PPP2R2D: variants seen among roughly 807,000 people sequenced by gnomAD.
PPP2R2D encodes the protein protein phosphatase 2 regulatory subunit Bdelta.
Under a neutral mutation model 31.1 loss-of-function variants are expected in PPP2R2D, and 9 were observed. The observed-to-expected ratio is 0.29, with a 90% confidence interval of 0.17 to 0.51. The LOEUF is 0.51. PPP2R2D is among the 20% of genes least tolerant of loss of function. PPP2R2D has a pLI of 0.98. For missense variants in PPP2R2D, 391 were observed against 465.6 expected, an observed-to-expected ratio of 0.84 and a Z score of 1.48; for synonymous variants, 179 against 172.6, an observed-to-expected ratio of 1.04 and a Z score of -0.29.
At chr10:131,942,082 T>TG (rs1267977032) in intron 5 of PPP2R2D, among the ~76,000 whole-genome samples, 3 of 152,140 alleles carry the variant, frequency 2.0e-5, no homozygotes, top group African/African-American at 7.2e-5. Flanking sequence ...AGAAGTGTGA[T>TG]GGGACCCCCG....
At chr10:131,910,726 C>T (rs1244630256) in intron 2 of PPP2R2D, among the ~76,000 whole-genome samples, 2 of 152,150 alleles carry the variant, frequency 1.3e-5, no homozygotes, top group Non-Finnish European at 2.9e-5. Flanking sequence ...GGCTAAGGGC[C>T]GGCAACCCCT....
rs1291330487 is a variant in PPP2R2D, at chr10:131,940,687, C to T, written c.470C>T (p.Ala157Val). 1.3e-6 allele frequency: 1 copy of T among 775,724 alleles called. No homozygotes were observed. The highest frequency in any genetic ancestry group is 2.4e-6 in the Non-Finnish European group (1 of 415,682). 48.1% of individuals were successfully genotyped at this position (775,724 alleles called of 1,614,324 possible). A position where few individuals can be genotyped will look rare whatever the true frequency, so the allele number is the denominator to read the frequency against. Residue 157 changes from alanine (A) to valine (V), a missense_variant, in exon 5 of 9, where the codon GCG becomes GTG. Transcript: ENST00000455566. The stretch of plus-strand genomic sequence containing the variant: ...CTTCGAGACCCATTTAGGATCACGG[C>T]GCTACGGGTACACGTTGCCTTTGCT... ...GRLRDPFRIT[A>V]LRVPILKPMD...
downstream of PPP2R2D, among the ~76,000 whole-genome samples, chr10:131,962,432 G>A (rs553312967): frequency 1.3e-5 from 2 of 152,328 alleles, no homozygotes; most frequent in African/African-American, 4.8e-5. Context: ...AGTGGTTAAA[G>A]TCACGTTCCG....
intron 8 of PPP2R2D, among the ~76,000 whole-genome samples, chr10:131,950,123 C>T (rs1369034147): frequency 6.6e-6 from 1 of 152,158 alleles, no homozygotes; most frequent in Non-Finnish European, 1.5e-5. Flanking sequence ...TCCATTTTGG[C>T]TAAACAGATC....
intron 3 of PPP2R2D, chr10:131,934,968 C>T: frequency 2.2e-6 from 1 of 455,848 alleles, no homozygotes. Flanking sequence ...GCAGAGAAGT[C>T]TGGCAGGGGT....
At position 131,944,025 on chromosome 10, in the gene PPP2R2D, G is replaced by A. The variant is rs1165138968; in HGVS notation, c.535G>A (p.Ala179Thr). 3.3e-6 allele frequency: 5 copies of A among 1,513,666 alleles called. No individual in the cohort carries two copies. In the Admixed American group the frequency reaches 8.4e-5, roughly 25 times the overall value. The allele number at this position is 1,513,666 out of a possible 1,614,324, so 93.8% of individuals were successfully genotyped here. A position where few individuals can be genotyped will look rare whatever the true frequency, so the allele number is the denominator to read the frequency against. The change falls in exon 6 of 9, where the codon GCA (alanine) becomes ACA (threonine). Residue 179 changes from alanine to threonine, a missense_variant. By Grantham distance (58) the Ala-to-Thr change is moderately conservative. Coordinates refer to ENST00000455566, the MANE Select transcript of PPP2R2D (RefSeq NM_018461.5). ...AGAAGCGAGTCCACGGCGAATTTTT[G>A]CAAATGCTCACACATATCATATAAA... ...MVEASPRRIFANAHTYHINSI... is the reference protein window; with the variant it reads ...MVEASPRRIFTNAHTYHINSI...
At chr10:131,944,908 C>T (rs2036507106) in intron 6 of PPP2R2D, among the ~76,000 whole-genome samples, 1 of 152,070 alleles carries the variant, frequency 6.6e-6, no homozygotes. Flanking sequence ...TGGAATTTGG[C>T]GGCATTCTTG....
chr10:131,964,214 G>A (rs781995734), downstream of PPP2R2D, among the ~76,000 whole-genome samples: 1 of 152,162 alleles, frequency 6.6e-6, no homozygotes, highest in Non-Finnish European at 1.5e-5. Context: ...TGTTTTCTTT[G>A]GTGTAATGAG....
In PPP2R2D at chr10:131,949,683, G is replaced by A. The variant is rs116704363; in HGVS notation, c.1082+1892G>A. Among the ~76,000 whole-genome samples the A allele has an allele frequency of 8.4e-3, 1,275 of 152,290 alleles. 18 individuals carry two copies. The highest frequency in any genetic ancestry group is 0.028 in the African/African-American group (1,180 of 41,550). Reference sequence around the variant, plus strand: ...ACCAGGAGCCACATGACCGCTAAACGTGACCTGGAGACTGGAAAGGAATCA... The same window carrying A: ...ACCAGGAGCCACATGACCGCTAAACATGACCTGGAGACTGGAAAGGAATCA... On this transcript the variant is annotated intron_variant, in intron 8 of 8. Coordinates refer to ENST00000455566, the MANE Select transcript of PPP2R2D (RefSeq NM_018461.5).
At chr10:131,960,383 A>G (rs1434051966), downstream of PPP2R2D, among the ~76,000 whole-genome samples, 4 of 152,240 alleles carry the variant, frequency 2.6e-5, no homozygotes, top group East Asian at 3.8e-4. Flanking sequence ...CCCGGATTCC[A>G]TGAACACACT....
rs547744092 is a variant in PPP2R2D, at chr10:131,953,369, TAGC to T, written c.1083-2312_1083-2310del. Among the ~76,000 whole-genome samples the T allele has an allele frequency of 2.1e-3, 154 of 72,274 alleles. 1 individual carries two copies. The highest frequency in any genetic ancestry group is 0.01 in the East Asian group (19 of 1,844). The allele number at this position is 72,274 out of a possible 152,430, so 47.4% of individuals were successfully genotyped here. A position where few individuals can be genotyped will look rare whatever the true frequency, so the allele number is the denominator to read the frequency against. ...CTTCCAGTTGTGCGGGGGGTTCACT[TAGC>T]AGTGACTTGCAGGTGTGTGGGGGGT... is the stretch of plus-strand genomic sequence containing the variant. On this transcript the variant is annotated intron_variant, in intron 8 of 8. Coordinates refer to ENST00000455566, the MANE Select transcript of PPP2R2D (RefSeq NM_018461.5).
At chr10:131,920,514 CATG>C (rs1480532887) in intron 2 of PPP2R2D, among the ~76,000 whole-genome samples, 8 of 152,270 alleles carry the variant, frequency 5.3e-5, no homozygotes, top group Non-Finnish European at 1.0e-4. Context: ...TTTCACTACA[CATG>C]ATGTTTCAAA....
chr10:131,947,720 C>T lies in PPP2R2D; in HGVS notation c.1011C>T (p.Ser337=), dbSNP rs782190671. The T allele has an allele frequency of 6.2e-7, 1 of 1,614,230 alleles. No homozygotes were observed. Among genetic ancestry groups the T allele is most frequent in the Non-Finnish European group, 8.5e-7 (1 of 1,180,044 alleles). Residue 337 remains serine (S), a synonymous_variant, in exon 8 of 9, where the codon AGC becomes AGT. Coordinates refer to ENST00000455566, the MANE Select transcript of PPP2R2D (RefSeq NM_018461.5). The surrounding 1 kb of genome is among the most constrained non-coding windows in gnomAD (Gnocchi z 4.3). ...ETHQVHEYLR[S]KLCSLYENDC... Reference sequence around the variant, plus strand: ...ACCAGGTCCACGAGTACCTGCGCAGCAAGCTCTGCTCTCTCTATGAGAACG... The same window carrying T: ...ACCAGGTCCACGAGTACCTGCGCAGTAAGCTCTGCTCTCTCTATGAGAACG...
chr10:131,929,244 C>T (rs1205076317), intron 2 of PPP2R2D, among the ~76,000 whole-genome samples: 1 of 152,248 alleles, frequency 6.6e-6, no homozygotes, highest in Non-Finnish European at 1.5e-5. Flanking sequence ...TCCTCCCAGC[C>T]ACTGGGCAGG....
chr10:131,937,133 A>G (rs1554896619), intron 3 of PPP2R2D, among the ~76,000 whole-genome samples: 1 of 152,206 alleles, frequency 6.6e-6, no homozygotes, highest in Non-Finnish European at 1.5e-5. Flanking sequence ...GTGAGTGAGC[A>G]CCAGATTGTG....
downstream of PPP2R2D, among the ~76,000 whole-genome samples, chr10:131,963,590 C>A (rs990773727): frequency 9.2e-5 from 14 of 152,240 alleles, no homozygotes; most frequent in Admixed American, 7.8e-4. Flanking sequence ...GCCTCACTGG[C>A]TGCTGCACGG....
rs1310773610 is a variant in PPP2R2D at position 131,911,064 on chromosome 10, G to A, written c.100+9734G>A. Among the ~76,000 whole-genome samples, 7 of 152,224 alleles carry A rather than the reference G, an allele frequency of 4.6e-5. No homozygotes were observed. In the East Asian group the frequency reaches 5.8e-4, roughly 13 times the overall value. On this transcript the variant is annotated intron_variant, in intron 2 of 8. Transcript: ENST00000455566. ...ACTAAAGTGTTTCCCTGAGATCTGCGTGCTCAGTGAGGGTTGTGGACACTC... is the reference window on the plus strand; with the variant it reads ...ACTAAAGTGTTTCCCTGAGATCTGCATGCTCAGTGAGGGTTGTGGACACTC...
rs540077270 is a variant in PPP2R2D, at chr10:131,945,202, G to A, written c.656-93G>A. On this transcript the variant is annotated intron_variant, in intron 6 of 8. Transcript: ENST00000455566. This position sits in a 1 kb window ranked among gnomAD's most constrained non-coding sequence, Gnocchi z 4.8. Reference sequence around the variant, plus strand: ...TAGCTAATCCCTTAAACCTCACTGCGTGGATTATTTGGCGTCCTATTTCGC... The same window carrying A: ...TAGCTAATCCCTTAAACCTCACTGCATGGATTATTTGGCGTCCTATTTCGC... The A allele has an allele frequency of 1.1e-5, 16 of 1,427,436 alleles. No homozygotes were observed. Among genetic ancestry groups the A allele is most frequent in the African/African-American group, 9.9e-5 (7 of 70,500 alleles). 88.4% of individuals were successfully genotyped at this position (1,427,436 alleles called of 1,614,324 possible).
At chr10:131,940,556 A>G (rs1224920742) in intron 4 of PPP2R2D, 26 bp from the exon 5 acceptor site, 1 of 723,028 alleles carries the variant, frequency 1.4e-6, no homozygotes, top group Non-Finnish European at 2.6e-6. Context: ...TTCTTTTCAT[A>G]TGGAGAATGA....
Sources: allele counts gnomAD v4.1 joint callset (sites outside exome capture counted in the v4.1 genomes callset), GRCh38; gene constraint gnomAD v4.1.1; non-coding constraint Gnocchi (gnomAD v3.1); transcripts MANE v1.5; gene names NCBI Gene and HGNC (gene_info 2026-07-23, HGNC 2026-07-21).